PHIP: variants seen among roughly 807,000 people sequenced by gnomAD.
PHIP encodes the protein PHIP subunit of CUL4-Ring ligase complex, also known as PH-interacting protein.
In PHIP, 54 loss-of-function variants were observed where a neutral mutation model predicts 236.8. That is an observed-to-expected ratio of 0.23 (90% CI 0.18 to 0.29). PHIP has a LOEUF of 0.29. Ranked by LOEUF, PHIP falls within the 10% of genes least tolerant of loss-of-function variation. The pLI is 1.00. For missense variants in PHIP, 1,370 were observed against 2,190.8 expected, an observed-to-expected ratio of 0.63 and a Z score of 7.48; for synonymous variants, 756 against 718.9, an observed-to-expected ratio of 1.05 and a Z score of -0.83.
At chr6:79,014,492 T>C (rs1770743315) in intron 15 of PHIP, among the ~76,000 whole-genome samples, 1 of 151,786 alleles carries the variant, frequency 6.6e-6, no homozygotes, top group Admixed American at 6.6e-5. Context: ...ACCTTAATAC[T>C]TCATACAGTA....
At position 78,939,516 on chromosome 6, in the gene PHIP, T is replaced by C. The variant is rs1343261503; in HGVS notation, c.*1177A>G. 6.6e-6 allele frequency: 1 copy of C among 151,916 alleles called. No homozygotes were observed. The highest frequency in any genetic ancestry group is 1.5e-5 in the Non-Finnish European group (1 of 67,796). 9.4% of individuals were successfully genotyped at this position (151,916 alleles called of 1,614,324 possible). A position where few individuals can be genotyped will look rare whatever the true frequency, so the allele number is the denominator to read the frequency against. On this transcript the variant is annotated 3_prime_UTR_variant, in exon 40 of 40. Coordinates refer to ENST00000275034, the MANE Select transcript of PHIP (RefSeq NM_017934.7). ...TAAAGTATGACATTTTAAAATTATT[T>C]TTATTCTACTGCTATCTAAAAAATC...
intron 29 of PHIP, among the ~76,000 whole-genome samples, chr6:78,965,016 C>T (rs938281382): frequency 6.6e-6 from 1 of 152,118 alleles, no homozygotes; most frequent in African/African-American, 2.4e-5. Flanking sequence ...TTGGTCCCAA[C>T]GTCCTTTTCT....
intron 17 of PHIP, among the ~76,000 whole-genome samples, chr6:79,000,561 T>C (rs537927537): frequency 1.3e-5 from 2 of 152,180 alleles, no homozygotes; most frequent in African/African-American, 4.8e-5. Flanking sequence ...CTTTAATAAA[T>C]GAGTCTTTTC....
Position 79,038,011 on chromosome 6 carries a change from C to T in PHIP, c.600+4832G>A, listed in dbSNP as rs141015325. 1.2e-3 allele frequency among the ~76,000 whole-genome samples: 189 copies of T among 152,292 alleles called. 1 individual carries two copies. Among genetic ancestry groups the T allele is most frequent in the African/African-American group, 4.4e-3 (183 of 41,574 alleles). ...CAGTACTCCACATTCAGAATACAGA[C>T]TATCATATCTTTTAATTGTCAAGTT... On this transcript the variant is annotated intron_variant, in intron 7 of 39. Transcript: ENST00000275034.
chr6:79,054,826 AAAG>A (rs1408501659), intron 6 of PHIP, among the ~76,000 whole-genome samples: 1 of 152,038 alleles, frequency 6.6e-6, no homozygotes, highest in Admixed American at 6.6e-5. Flanking sequence ...ACAAGGTGAG[AAAG>A]AAGAGTCTTC....
rs1771374313 is a variant in PHIP, at chr6:79,025,811, T to C, written c.822+132A>G. On this transcript the variant is annotated intron_variant, in intron 8 of 39. Coordinates refer to ENST00000275034, the MANE Select transcript of PHIP (RefSeq NM_017934.7). ...ACTCCTGTCTTCATTTTAGTTGGCC[T>C]TATATACTGGATTATAAAGGTGATT... The C allele has an allele frequency of 1.0e-4, 77 of 737,678 alleles. 4 individuals carry two copies. In the South Asian group the frequency reaches 1.3e-3, roughly 13 times the overall value. 45.7% of individuals were successfully genotyped at this position (737,678 alleles called of 1,614,324 possible). A position where few individuals can be genotyped will look rare whatever the true frequency, so the allele number is the denominator to read the frequency against.
intron 7 of PHIP, among the ~76,000 whole-genome samples, chr6:79,041,142 T>A (rs900592637): frequency 7.2e-5 from 11 of 152,116 alleles, no homozygotes; most frequent in African/African-American, 2.4e-5. Context: ...TCAACTCTGC[T>A]GTTGTAGTGC....
chr6:79,049,813 C>T (rs919057742), intron 6 of PHIP, among the ~76,000 whole-genome samples: 2 of 152,106 alleles, frequency 1.3e-5, no homozygotes, highest in Non-Finnish European at 2.9e-5. Flanking sequence ...TAGTTCATTA[C>T]AAGTCCAAAT....
intron 27 of PHIP, among the ~76,000 whole-genome samples, chr6:78,969,278 A>G (rs1767362966): frequency 6.6e-6 from 1 of 152,170 alleles, no homozygotes; most frequent in Admixed American, 6.5e-5. Flanking sequence ...CAAACCATAC[A>G]TACCGTGTAC....
At chr6:78,988,119 C>A in intron 21 of PHIP, 90 bp downstream of exon 21, 1 of 954,376 alleles carries the variant, frequency 1.0e-6, no homozygotes, top group South Asian at 2.5e-5. Flanking sequence ...GCTACATCTA[C>A]AAACATATCA....
chr6:78,952,496 T>C (rs920016320), intron 35 of PHIP, among the ~76,000 whole-genome samples: 82 of 151,154 alleles, frequency 5.4e-4, no homozygotes, highest in African/African-American at 1.9e-3. Context: ...ATATTGCTCC[T>C]CTCCCATTCT....
rs1486010928 is a variant in PHIP at position 79,016,554 on chromosome 6, G to A, written c.1225C>T (p.Arg409Cys). 1 of 1,603,478 alleles carries A rather than the reference G, an allele frequency of 6.2e-7. No individual in the cohort carries two copies. The highest frequency in any genetic ancestry group is 8.5e-7 in the Non-Finnish European group (1 of 1,171,274). ...WKSILLDMATRPAGQNLQGIE... is the reference protein window; with the variant it reads ...WKSILLDMATCPAGQNLQGIE... ...AATTTGACCTCTTACCCTGCTGGAC[G>A]AGTAGCCATATCCAACAAAATGCTC... is the stretch of plus-strand genomic sequence containing the variant. Residue 409 changes from arginine (R) to cysteine (C), a missense_variant, in exon 13 of 40, where the codon CGT becomes TGT. By Grantham distance (180) the Arg-to-Cys change is radical (BLOSUM62 -3). Transcript: ENST00000275034.
At chr6:79,034,651 T>C (rs1771842030) in intron 7 of PHIP, among the ~76,000 whole-genome samples, 1 of 152,204 alleles carries the variant, frequency 6.6e-6, no homozygotes, top group Non-Finnish European at 1.5e-5. Flanking sequence ...GTATGGCTTA[T>C]TTACAGATAC....
At chr6:79,067,071 G>T (rs1773660599) in intron 4 of PHIP, among the ~76,000 whole-genome samples, 1 of 151,986 alleles carries the variant, frequency 6.6e-6, no homozygotes, top group South Asian at 2.1e-4. Flanking sequence ...TATTTTTTTA[G>T]ATACAGCATC....
At chr6:78,961,444 G>T (rs1355212182) in intron 31 of PHIP, among the ~76,000 whole-genome samples, 1 of 151,920 alleles carries the variant, frequency 6.6e-6, no homozygotes, top group Non-Finnish European at 1.5e-5. Context: ...CTGTATCTAG[G>T]ATCTAGGAAT....
Position 78,995,709 on chromosome 6 carries a change from G to T in PHIP, c.2201+1705C>A, listed in dbSNP as rs531452092. ...GTTCATGTCTTTTGCCCATTCTCCG[G>T]TTGGATTCTGTTGTTTACTATTGAG... On this transcript the variant is annotated intron_variant, in intron 19 of 39. Transcript: ENST00000275034. Among the ~76,000 whole-genome samples the T allele has an allele frequency of 2.0e-5, 3 of 152,216 alleles. No homozygotes were observed. The South Asian group carries it at 6.2e-4, about 32-fold the overall frequency.
At chr6:78,954,250 C>G (rs1025701171) in intron 35 of PHIP, among the ~76,000 whole-genome samples, 1 of 149,144 alleles carries the variant, frequency 6.7e-6, no homozygotes, top group Non-Finnish European at 1.5e-5. Context: ...TACAGGCACC[C>G]GCCCACACGC....
chr6:79,049,251 G>A (rs989620464), intron 6 of PHIP, among the ~76,000 whole-genome samples: 2 of 151,778 alleles, frequency 1.3e-5, no homozygotes, highest in Admixed American at 6.6e-5. Context: ...TAGTAGAGAC[G>A]GGGTTTCACC....
chr6:79,008,131 C>G (rs888512192), intron 15 of PHIP, among the ~76,000 whole-genome samples: 3 of 151,212 alleles, frequency 2.0e-5, no homozygotes, highest in African/African-American at 7.3e-5. Context: ...GCGGAGGTTG[C>G]AGTGAGCTGA....
Sources: gnomAD v4.1 joint callset for allele counts (sites outside exome capture counted in the v4.1 genomes callset) on GRCh38, gnomAD v4.1.1 for gene constraint, MANE v1.5 for transcripts, NCBI Gene and HGNC (gene_info 2026-07-23, HGNC 2026-07-21) for gene names.